Variants in TRAPPC9 observed in about 807,000 individuals in gnomAD.
TRAPPC9 encodes trafficking protein particle complex subunit 9.
A neutral mutation model predicts 124.0 loss-of-function variants in TRAPPC9; 83 were observed. That is an observed-to-expected ratio of 0.67 (90% CI 0.56 to 0.80). TRAPPC9 has a LOEUF of 0.80. Ranked by LOEUF, TRAPPC9 falls within the 30% of genes least tolerant of loss-of-function variation. The pLI is 0.00. For missense variants in TRAPPC9, 1,302 were observed against 1,508.3 expected (o/e 0.86, Z 2.27); for synonymous variants, 638 against 617.5 (o/e 1.03, Z -0.49).
intron 21 of TRAPPC9, among the ~76,000 whole-genome samples, chr8:139,835,116 G>A (rs1019666300): frequency 6.6e-5 from 10 of 152,278 alleles, no homozygotes; most frequent in African/African-American, 2.4e-4. Flanking sequence ...TAATGAATGC[G>A]ACCTTGGGTG....
At chr8:140,334,154 A>G (rs914845050) in intron 9 of TRAPPC9, among the ~76,000 whole-genome samples, 1 of 152,190 alleles carries the variant, frequency 6.6e-6, no homozygotes, top group Non-Finnish European at 1.5e-5. Flanking sequence ...TTCTAAAACT[A>G]TTTCATATTT....
intron 11 of TRAPPC9, among the ~76,000 whole-genome samples, chr8:140,297,436 T>C (rs2065841616): frequency 6.6e-6 from 1 of 152,004 alleles, no homozygotes; most frequent in Admixed American, 6.6e-5. Context: ...TACACACACA[T>C]ACACACATAC....
At chr8:140,380,927 G>A (rs143352731) in intron 7 of TRAPPC9, among the ~76,000 whole-genome samples, 4,188 of 151,996 alleles carry the variant, frequency 0.028, 99 homozygotes, top group Middle Eastern at 0.088. Context: ...GAAATGGGCC[G>A]GGCATGGTGG....
intron 19 of TRAPPC9, among the ~76,000 whole-genome samples, chr8:139,966,638 C>T (rs756313767): frequency 1.3e-5 from 2 of 152,218 alleles, no homozygotes; most frequent in Non-Finnish European, 2.9e-5. Flanking sequence ...AATGCCAGCT[C>T]CTTTCTAATC....
chr8:139,819,453 C>T (rs1311627657), intron 21 of TRAPPC9, among the ~76,000 whole-genome samples: 2 of 152,182 alleles, frequency 1.3e-5, no homozygotes, highest in Admixed American at 1.3e-4. Flanking sequence ...AGAAACCAGT[C>T]CCTGATGCCA....
At chr8:140,037,617 TACAG>T (rs953662300) in intron 17 of TRAPPC9, among the ~76,000 whole-genome samples, 1 of 145,042 alleles carries the variant, frequency 6.9e-6, no homozygotes, top group Non-Finnish European at 1.5e-5. Flanking sequence ...CACACACATA[TACAG>T]ACACATACAC....
intron 17 of TRAPPC9, among the ~76,000 whole-genome samples, chr8:140,191,200 T>C (rs542579429): frequency 2.6e-5 from 4 of 152,348 alleles, no homozygotes; most frequent in Admixed American, 2.0e-4. Flanking sequence ...GATGCTCTCA[T>C]ACGCATTTCA....
At chr8:140,313,665 A>C (rs2066367359) in intron 9 of TRAPPC9, among the ~76,000 whole-genome samples, 1 of 152,138 alleles carries the variant, frequency 6.6e-6, no homozygotes, top group Non-Finnish European at 1.5e-5. Context: ...GTAGCAGGGC[A>C]CACCTCTCCG....
chr8:140,251,330 A>T (rs1373644641), intron 16 of TRAPPC9, among the ~76,000 whole-genome samples: 4 of 152,374 alleles, frequency 2.6e-5, no homozygotes, highest in Admixed American at 2.6e-4. Context: ...CTGATTAAAA[A>T]GAAAAAATGC....
chr8:139,936,461 C>T (rs1164335534), intron 19 of TRAPPC9, among the ~76,000 whole-genome samples: 1 of 152,114 alleles, frequency 6.6e-6, no homozygotes, highest in Non-Finnish European at 1.5e-5. Flanking sequence ...CTGTGGCAGA[C>T]GCTGTACCAG....
intron 16 of TRAPPC9, among the ~76,000 whole-genome samples, chr8:140,232,724 A>T (rs2063630073): frequency 6.6e-6 from 1 of 152,172 alleles, no homozygotes; most frequent in South Asian, 2.1e-4. Context: ...GTGTTACTCC[A>T]TTTCTACTTG....
intron 2 of TRAPPC9, among the ~76,000 whole-genome samples, chr8:140,443,626 C>T (rs1461334988): frequency 6.6e-6 from 1 of 151,988 alleles, no homozygotes; most frequent in East Asian, 1.9e-4. Flanking sequence ...AGCAGCTGGG[C>T]GCAGTGGCTC....
At chr8:140,049,616 C>T (rs1382322785) in intron 17 of TRAPPC9, among the ~76,000 whole-genome samples, 3 of 151,810 alleles carry the variant, frequency 2.0e-5, no homozygotes, top group African/African-American at 7.3e-5. Context: ...GTATCCCTCC[C>T]ATTTGCTCGT....
rs56213255 is a variant in TRAPPC9, at chr8:140,399,082, T to A, written c.1009-1337A>T. On this transcript the variant is annotated intron_variant, in intron 6 of 22. Transcript: ENST00000438773. ...TTGGCAGCTTCCATGTGGTGTTGAG[T>A]GTGTGGGTGCACCGAAGTCAATAAC... 1.7e-3 allele frequency among the ~76,000 whole-genome samples: 259 copies of A among 152,274 alleles called. 1 individual carries two copies. The highest frequency in any genetic ancestry group is 6.2e-3 in the African/African-American group (256 of 41,544).
At chr8:140,304,093 ATT>A (rs549536451) in intron 10 of TRAPPC9, among the ~76,000 whole-genome samples, 25 of 140,780 alleles carry the variant, frequency 1.8e-4, no homozygotes, top group Admixed American at 2.9e-4. Context: ...GCCTGACTTA[ATT>A]TTTTTTTTTT....
At chr8:140,030,918 ATGG>A (rs1457187306) in intron 17 of TRAPPC9, among the ~76,000 whole-genome samples, 2 of 152,142 alleles carry the variant, frequency 1.3e-5, no homozygotes, top group East Asian at 1.9e-4. Flanking sequence ...CTATATCTTT[ATGG>A]TGGTGGTGGT....
At chr8:139,807,464 A>G (rs962386087) in intron 21 of TRAPPC9, among the ~76,000 whole-genome samples, 4 of 152,172 alleles carry the variant, frequency 2.6e-5, no homozygotes, top group Non-Finnish European at 5.9e-5. Context: ...ATTCCCTTCC[A>G]TTAATAAAAC....
intron 7 of TRAPPC9, among the ~76,000 whole-genome samples, chr8:140,379,300 G>C (rs779954378): frequency 1.3e-5 from 2 of 152,138 alleles, no homozygotes; most frequent in Non-Finnish European, 2.9e-5. Flanking sequence ...GCCGGAGGAG[G>C]CTGGTGCAAG....
At chr8:140,169,573 T>A (rs1223944005) in intron 17 of TRAPPC9, among the ~76,000 whole-genome samples, 6 of 152,154 alleles carry the variant, frequency 3.9e-5, no homozygotes, top group Non-Finnish European at 8.8e-5. Flanking sequence ...GGCAGTACGA[T>A]GACATATTGT....
Sources: gnomAD v4.1 joint callset for allele counts (sites outside exome capture counted in the v4.1 genomes callset) on GRCh38, gnomAD v4.1.1 for gene constraint, MANE v1.5 for transcripts, NCBI Gene and HGNC (gene_info 2026-07-23, HGNC 2026-07-21) for gene names.